The following CDH12 variants were observed in gnomAD, a reference collection of about 807,000 sequenced individuals.
CDH12 encodes the protein cadherin 12, also known as cadherin-12.
Under a neutral mutation model 74.1 loss-of-function variants are expected in CDH12, and 41 were observed. That is an observed-to-expected ratio of 0.55 (90% CI 0.43 to 0.72). The LOEUF is 0.72. Among genes scored for constraint, CDH12 ranks in the 30% least tolerant of loss-of-function variants. The pLI is 0.00. For missense variants in CDH12, 945 were observed against 977.2 expected (o/e 0.97, Z 0.44); for synonymous variants, 399 against 355.0 (o/e 1.12, Z -1.39).
chr5:22,800,995 C>T (rs1444388856), intron 1 of CDH12, among the ~76,000 whole-genome samples: 1 of 152,088 alleles, frequency 6.6e-6, no homozygotes, highest in East Asian at 1.9e-4. Context: ...TGAATAGAGC[C>T]GCCATAAAAA....
intron 11 of CDH12, among the ~76,000 whole-genome samples, chr5:21,780,254 T>A (rs78612598): frequency 0.018 from 2,812 of 152,274 alleles, 62 homozygotes; most frequent in African/African-American, 0.056. Flanking sequence ...ATCATATTAA[T>A]AACTAACAAA....
chr5:22,126,301 T>A (rs1745865949), intron 4 of CDH12, among the ~76,000 whole-genome samples: 1 of 152,164 alleles, frequency 6.6e-6, no homozygotes, highest in Admixed American at 6.5e-5. Flanking sequence ...ATCAGCTAAG[T>A]GGCCCTTCTG....
At chr5:22,462,622 C>T (rs1363897681) in intron 2 of CDH12, among the ~76,000 whole-genome samples, 1 of 151,896 alleles carries the variant, frequency 6.6e-6, no homozygotes, top group Non-Finnish European at 1.5e-5. Flanking sequence ...TCTCTGGAGA[C>T]AGTAACATGA....
intron 1 of CDH12, among the ~76,000 whole-genome samples, chr5:22,789,240 T>G (rs904401774): frequency 1.3e-5 from 2 of 152,046 alleles, no homozygotes; most frequent in Admixed American, 6.6e-5. Context: ...ATATTGTAAT[T>G]AATGTGTCAA....
At chr5:21,991,107 C>A (rs373913231) in intron 5 of CDH12, among the ~76,000 whole-genome samples, 5 of 151,644 alleles carry the variant, frequency 3.3e-5, no homozygotes, top group East Asian at 3.9e-4. Flanking sequence ...ACAATAGTAT[C>A]ATTGAAAAAT....
chr5:22,741,980 A>G (rs1191871417), intron 1 of CDH12, among the ~76,000 whole-genome samples: 1 of 152,176 alleles, frequency 6.6e-6, no homozygotes, highest in African/African-American at 2.4e-5. Flanking sequence ...CAGGAGTTCG[A>G]GACCAGCGTG....
At chr5:21,841,554 C>A (rs1749852706) in intron 8 of CDH12, among the ~76,000 whole-genome samples, 1 of 148,724 alleles carries the variant, frequency 6.7e-6, no homozygotes, top group African/African-American at 2.5e-5. Flanking sequence ...AAGACACATG[C>A]ACACGTATGT....
At chr5:22,196,510 C>T (rs1297405524) in intron 4 of CDH12, among the ~76,000 whole-genome samples, 1 of 152,104 alleles carries the variant, frequency 6.6e-6, no homozygotes, top group Non-Finnish European at 1.5e-5. Flanking sequence ...TCATGCACTC[C>T]ATTCCAGGTG....
chr5:21,993,306 C>T (rs1454567997), intron 5 of CDH12, among the ~76,000 whole-genome samples: 2 of 152,120 alleles, frequency 1.3e-5, no homozygotes, highest in African/African-American at 4.8e-5. Context: ...CCCTGAGTGT[C>T]CATATCCTGC....
intron 6 of CDH12, among the ~76,000 whole-genome samples, chr5:21,894,189 A>G (rs1002396601): frequency 2.0e-4 from 30 of 152,020 alleles, no homozygotes; most frequent in African/African-American, 6.0e-4. Flanking sequence ...GACCAGTCTC[A>G]TGAGTATAGT....
chr5:22,169,892 T>G (rs1401877355), intron 4 of CDH12, among the ~76,000 whole-genome samples: 2 of 151,942 alleles, frequency 1.3e-5, no homozygotes, highest in African/African-American at 4.8e-5. Flanking sequence ...GAGCCATGTG[T>G]ACTGAAAATA....
chr5:22,033,965 A>G (rs926657831), intron 5 of CDH12, among the ~76,000 whole-genome samples: 1 of 152,158 alleles, frequency 6.6e-6, no homozygotes, highest in Admixed American at 6.6e-5. Context: ...ATGAGTGTGA[A>G]TATGTTTTCT....
intron 3 of CDH12, among the ~76,000 whole-genome samples, chr5:22,343,307 C>A (rs1739958750): frequency 7.8e-6 from 1 of 128,928 alleles, no homozygotes; most frequent in Non-Finnish European, 1.6e-5. Context: ...CACACACACA[C>A]ACACAGACAC....
intron 3 of CDH12, among the ~76,000 whole-genome samples, chr5:22,352,202 G>A (rs1410731928): frequency 1.3e-5 from 2 of 151,214 alleles, no homozygotes; most frequent in Admixed American, 6.6e-5. Flanking sequence ...TAAGTTCTCA[G>A]AAAGCTAAAT....
Position 22,442,845 on chromosome 5 carries a change from G to A in CDH12, c.-427-37494C>T, listed in dbSNP as rs188777705. Among the ~76,000 whole-genome samples, 21 of 152,238 alleles carry A rather than the reference G, an allele frequency of 1.4e-4. No individual in the cohort carries two copies. The East Asian group carries it at 3.9e-3, about 28-fold the overall frequency. ...AAGGTTTAAAGAGTACTTCTGGTTC[G>A]CAACTTGGGTATATATAACATCATT... On this transcript the variant is annotated intron_variant, in intron 2 of 14. Coordinates refer to ENST00000382254, the MANE Select transcript of CDH12 (RefSeq NM_004061.5).
chr5:22,711,485 G>C (rs1000971425), intron 1 of CDH12, among the ~76,000 whole-genome samples: 1 of 152,012 alleles, frequency 6.6e-6, no homozygotes. Flanking sequence ...AGAAACAAAG[G>C]TCATCATTGG....
intron 2 of CDH12, among the ~76,000 whole-genome samples, chr5:22,448,308 A>G (rs1461137053): frequency 6.6e-6 from 1 of 152,022 alleles, no homozygotes; most frequent in Non-Finnish European, 1.5e-5. Context: ...TATATCTTCA[A>G]GTTTTAACAT....
chr5:22,463,238 T>C (rs1745589858), intron 2 of CDH12, among the ~76,000 whole-genome samples: 1 of 148,720 alleles, frequency 6.7e-6, no homozygotes, highest in Non-Finnish European at 1.5e-5. Flanking sequence ...TGTGTGTGTG[T>C]AAAATGCCAC....
intron 5 of CDH12, among the ~76,000 whole-genome samples, chr5:22,040,484 A>T (rs1179840247): frequency 6.6e-6 from 1 of 152,172 alleles, no homozygotes; most frequent in Non-Finnish European, 1.5e-5. Flanking sequence ...CAACCCAAAG[A>T]GGTCTTCACT....
Sources: gnomAD v4.1 joint callset for allele counts (sites outside exome capture counted in the v4.1 genomes callset) on GRCh38, gnomAD v4.1.1 for gene constraint, MANE v1.5 for transcripts, NCBI Gene and HGNC (gene_info 2026-07-23, HGNC 2026-07-21) for gene names.